SPATA6: variants seen among roughly 807,000 people sequenced by gnomAD.
SPATA6 encodes the protein spermatogenesis associated 6.
Under a neutral mutation model 65.3 loss-of-function variants are expected in SPATA6, and 56 were observed. That is an observed-to-expected ratio of 0.86 (90% CI 0.69 to 1.07). SPATA6 has a LOEUF of 1.07. Ranked by LOEUF, SPATA6 falls within the 50% of genes least tolerant of loss-of-function variation. The pLI, the probability that SPATA6 is intolerant of heterozygous loss-of-function variation, is 0.00. For missense variants in SPATA6, 590 were observed against 594.8 expected (o/e 0.99, Z 0.08); for synonymous variants, 199 against 213.2 (o/e 0.93, Z 0.58).
At chr1:48,470,214 A>T (rs955357216) in intron 1 of SPATA6, among the ~76,000 whole-genome samples, 2 of 152,224 alleles carry the variant, frequency 1.3e-5, no homozygotes, top group African/African-American at 4.8e-5. Flanking sequence ...GTAATCAGTT[A>T]CAACAGAGTA....
At chr1:48,278,297 A>T in the SPATA6 span, among the ~76,000 whole-genome samples, 1 of 152,232 alleles carries the variant, frequency 6.6e-6, no homozygotes, top group Non-Finnish European at 1.5e-5. Context: ...CAAAGAACAC[A>T]GCTCCTCACC....
chr1:48,298,703 A>T lies in SPATA6; in HGVS notation c.*10T>A, dbSNP rs772806686. 3 of 1,607,592 alleles carry T rather than the reference A, an allele frequency of 1.9e-6. No individual in the cohort carries two copies. The highest frequency in any genetic ancestry group is 2.5e-6 in the Non-Finnish European group (3 of 1,176,728). ...GACACGGACACTAATGAGGTTTATC[A>T]TGGATGGTCTCAGAAGCTTTCCTGT... is the stretch of plus-strand genomic sequence containing the variant. On this transcript the variant is annotated 3_prime_UTR_variant, in exon 13 of 13. Transcript: ENST00000371847.
intron 5 of SPATA6, 102 bp from the exon 6 acceptor site, chr1:48,403,984 C>T: frequency 1.3e-6 from 1 of 779,488 alleles, no homozygotes; most frequent in South Asian, 2.1e-5. Context: ...TGTCAAAGTT[C>T]AGCTGTTTCA....
intron 3 of SPATA6, among the ~76,000 whole-genome samples, chr1:48,427,624 A>T (rs1485773297): frequency 1.3e-5 from 2 of 152,230 alleles, no homozygotes; most frequent in African/African-American, 4.8e-5. Context: ...CCAAATTTTA[A>T]AAGTTAAGAC....
Position 48,352,903 on chromosome 1 carries a change from C to A in SPATA6, c.1194+2767G>T, listed in dbSNP as rs78201115. ...ACAATGGATTAGCTTCTTTTAAATA[C>A]AAAAAAAAAAAAAAAAAATGACTTT... On this transcript the variant is annotated intron_variant, in intron 11 of 12. Transcript: ENST00000371847. Among the ~76,000 whole-genome samples, 609 of 133,024 alleles carry A rather than the reference C, an allele frequency of 4.6e-3. 1 individual carries two copies. The highest frequency in any genetic ancestry group is 5.5e-3 in the Admixed American group (73 of 13,216). 87.3% of individuals were successfully genotyped at this position (133,024 alleles called of 152,430 possible).
chr1:48,441,789 G>A (rs1383051917), intron 3 of SPATA6, among the ~76,000 whole-genome samples: 9 of 152,154 alleles, frequency 5.9e-5, no homozygotes, highest in African/African-American at 1.4e-4. Flanking sequence ...AGCGGTGGCC[G>A]TCTTAGTGTC....
intron 7 of SPATA6, among the ~76,000 whole-genome samples, chr1:48,396,408 G>A (rs555398452): frequency 6.6e-6 from 1 of 151,568 alleles, no homozygotes; most frequent in Non-Finnish European, 1.5e-5. Context: ...TGAAAGCAGG[G>A]CCTCAAAAAT....
At chr1:48,397,780 A>G (rs1650748737) in intron 7 of SPATA6, among the ~76,000 whole-genome samples, 1 of 151,634 alleles carries the variant, frequency 6.6e-6, no homozygotes, top group African/African-American at 2.4e-5. Context: ...TAGACTTAGG[A>G]GTAGGCATTT....
At chr1:48,411,665 T>C in intron 4 of SPATA6, 77 bp from the exon 5 acceptor site, 1 of 1,259,612 alleles carries the variant, frequency 7.9e-7, no homozygotes, top group Non-Finnish European at 1.0e-6. Context: ...GTATGATATA[T>C]CTACTGCCTG....
intron 3 of SPATA6, among the ~76,000 whole-genome samples, chr1:48,433,458 ATAGCTAAAAAT>A (rs1381480679): frequency 1.3e-5 from 2 of 152,164 alleles, no homozygotes; most frequent in Non-Finnish European, 2.9e-5. Context: ...CTACTATCTT[ATAGCTAAAAAT>A]AATTTTCCTT....
chr1:48,461,553 A>G (rs1480465911), intron 1 of SPATA6, among the ~76,000 whole-genome samples: 2 of 152,240 alleles, frequency 1.3e-5, no homozygotes, highest in African/African-American at 2.4e-5. Flanking sequence ...AGCTTTCTAC[A>G]TATGGCTAGC....
At chr1:48,377,228 T>C (rs1303437469) in intron 9 of SPATA6, among the ~76,000 whole-genome samples, 2 of 152,174 alleles carry the variant, frequency 1.3e-5, no homozygotes, top group Admixed American at 6.5e-5. Context: ...CCATGTCACC[T>C]TGCTATTTAA....
intron 2 of SPATA6, among the ~76,000 whole-genome samples, chr1:48,452,145 T>C (rs1299336069): frequency 1.3e-5 from 2 of 152,130 alleles, no homozygotes; most frequent in African/African-American, 2.4e-5. Flanking sequence ...AGGGGAGGAT[T>C]TTCCCTTGTT....
the SPATA6 span, among the ~76,000 whole-genome samples, chr1:48,275,449 C>T: frequency 2.1e-3 from 316 of 152,204 alleles, 8 homozygotes; most frequent in East Asian, 0.053. Context: ...CAGCTTTTGC[C>T]CATTCAGTAT....
At chr1:48,300,752 C>T (rs1315204799) in intron 12 of SPATA6, among the ~76,000 whole-genome samples, 2 of 151,914 alleles carry the variant, frequency 1.3e-5, no homozygotes, top group African/African-American at 2.4e-5. Flanking sequence ...AAGGATGGTT[C>T]ATCATGGGCA....
intron 11 of SPATA6, among the ~76,000 whole-genome samples, chr1:48,320,909 T>C (rs534065479): frequency 1.6e-4 from 24 of 152,346 alleles, no homozygotes; most frequent in African/African-American, 5.5e-4. Flanking sequence ...ATTTTCTTTT[T>C]GCTTGTTTAT....
At chr1:48,270,259 C>T in the SPATA6 span, among the ~76,000 whole-genome samples, 3 of 152,048 alleles carry the variant, frequency 2.0e-5, no homozygotes, top group Non-Finnish European at 4.4e-5. Flanking sequence ...TACACTTCCG[C>T]CAATTTCTTC....
Position 48,325,541 on chromosome 1 carries a change from C to G in SPATA6, c.1195-19663G>C, listed in dbSNP as rs1645732622. On this transcript the variant is annotated intron_variant, in intron 11 of 12. Coordinates refer to ENST00000371847, the MANE Select transcript of SPATA6 (RefSeq NM_019073.4). ...TGAATGTCACCCGGGAGTTCTTCCTCTTCCTCTTTGGTCTTGGAATGTTAG... is the reference window on the plus strand; with the variant it reads ...TGAATGTCACCCGGGAGTTCTTCCTGTTCCTCTTTGGTCTTGGAATGTTAG... The G allele has an allele frequency of 7.5e-6, 9 of 1,195,530 alleles. No individual in the cohort carries two copies. In the South Asian group the frequency reaches 1.1e-4, roughly 14 times the overall value. 74.1% of individuals were successfully genotyped at this position (1,195,530 alleles called of 1,614,324 possible).
intron 6 of SPATA6, among the ~76,000 whole-genome samples, chr1:48,401,092 GA>G (rs1324083967): frequency 2.0e-5 from 3 of 152,106 alleles, no homozygotes; most frequent in African/African-American, 7.2e-5. Context: ...TTCCAATTCT[GA>G]AAATCCCTTG....
Sources: allele counts gnomAD v4.1 joint callset (sites outside exome capture counted in the v4.1 genomes callset), GRCh38; gene constraint gnomAD v4.1.1; transcripts MANE v1.5; gene names NCBI Gene and HGNC (gene_info 2026-07-23, HGNC 2026-07-21).